The following MDFIC variants were observed in gnomAD, a reference collection of about 807,000 sequenced individuals.
MDFIC encodes myoD family inhibitor domain-containing protein.
A neutral mutation model predicts 23.2 loss-of-function variants in MDFIC; 17 were observed. The ratio of observed to expected loss-of-function variants is 0.73; its 90% confidence interval spans 0.50 to 1.10. MDFIC has a LOEUF of 1.10. Among genes scored for constraint, MDFIC ranks in the 50% least tolerant of loss-of-function variants. The pLI, the probability that MDFIC is intolerant of heterozygous loss-of-function variation, is 0.00. For missense variants in MDFIC, 356 were observed against 316.6 expected (o/e 1.12, Z -0.95); for synonymous variants, 120 against 115.2 (o/e 1.04, Z -0.27).
At chr7:114,993,392 G>A (rs1220721224) in intron 4 of MDFIC, among the ~76,000 whole-genome samples, 8 of 151,866 alleles carry the variant, frequency 5.3e-5, no homozygotes, top group Non-Finnish European at 1.0e-4. Flanking sequence ...GCCTTCTGCT[G>A]GCTTTTAAAT....
chr7:114,929,929 A>T (rs1792278184), intron 2 of MDFIC, among the ~76,000 whole-genome samples: 2 of 152,134 alleles, frequency 1.3e-5, no homozygotes, highest in Admixed American at 6.5e-5. Flanking sequence ...CCTCTTTGAG[A>T]TGGAGGTGGG....
intron 3 of MDFIC, among the ~76,000 whole-genome samples, chr7:114,975,545 T>C (rs770794326): frequency 2.8e-4 from 36 of 129,690 alleles, no homozygotes; most frequent in Non-Finnish European, 9.8e-5. Context: ...CATTGTGTCG[T>C]TTCCATATTA....
chr7:114,930,481 T>A (rs1393403840), intron 2 of MDFIC, among the ~76,000 whole-genome samples: 1 of 152,200 alleles, frequency 6.6e-6, no homozygotes, highest in Non-Finnish European at 1.5e-5. Flanking sequence ...GTTTGGTCAG[T>A]TCACATATGA....
At chr7:114,995,532 G>A (rs1416328365) in intron 4 of MDFIC, among the ~76,000 whole-genome samples, 3 of 152,156 alleles carry the variant, frequency 2.0e-5, no homozygotes, top group Non-Finnish European at 4.4e-5. Context: ...TGGTGTGGAT[G>A]TCCTTTCTTT....
chr7:114,985,625 C>T (rs1019125408), intron 4 of MDFIC, among the ~76,000 whole-genome samples: 1 of 151,702 alleles, frequency 6.6e-6, no homozygotes, highest in Admixed American at 6.6e-5. Flanking sequence ...TTTTCTGATC[C>T]TCTCCCATCT....
intron 2 of MDFIC, among the ~76,000 whole-genome samples, chr7:114,929,236 A>C (rs1322918845): frequency 2.0e-5 from 3 of 152,222 alleles, no homozygotes; most frequent in Non-Finnish European, 4.4e-5. Flanking sequence ...CCTCCTGGGT[A>C]GCTGGGACTA....
rs1791824042 is a variant in MDFIC, at chr7:115,017,937, T to C, written c.*2002T>C. 1 of 152,050 alleles carries C rather than the reference T, an allele frequency of 6.6e-6. No individual in the cohort carries two copies. Among genetic ancestry groups the C allele is most frequent in the African/African-American group, 2.4e-5 (1 of 41,458 alleles). 9.4% of individuals were successfully genotyped at this position (152,050 alleles called of 1,614,324 possible). A position where few individuals can be genotyped will look rare whatever the true frequency, so the allele number is the denominator to read the frequency against. ...CATGAGAATATATCACCTGTGGTTT[T>C]TCCTTTGAGATGAAACGTAGTTTCT... On this transcript the variant is annotated 3_prime_UTR_variant, in exon 5 of 5. Transcript: ENST00000393486.
rs1791800408 is a variant in MDFIC at position 115,016,661 on chromosome 7, T to G, written c.*726T>G. ...CTCCATCTCTAAATAAATAAATAAA[T>G]AAATAAATAAATAAATAAATAAATA... On this transcript the variant is annotated 3_prime_UTR_variant, in exon 5 of 5. Coordinates refer to ENST00000393486, the MANE Select transcript of MDFIC (RefSeq NM_001166345.3). 6.4e-6 allele frequency: 1 copy of G among 155,352 alleles called. No individual in the cohort carries two copies. The highest frequency in any genetic ancestry group is 2.5e-5 in the African/African-American group (1 of 40,574). 9.6% of individuals were successfully genotyped at this position (155,352 alleles called of 1,614,324 possible).
At chr7:114,973,804 G>T (rs1423580130) in intron 3 of MDFIC, among the ~76,000 whole-genome samples, 3 of 152,128 alleles carry the variant, frequency 2.0e-5, no homozygotes, top group Non-Finnish European at 4.4e-5. Flanking sequence ...TAAAACAATT[G>T]CCTCCTTTGC....
chr7:114,995,888 C>G (rs1291172878), intron 4 of MDFIC, among the ~76,000 whole-genome samples: 3 of 152,158 alleles, frequency 2.0e-5, no homozygotes, highest in Non-Finnish European at 4.4e-5. Flanking sequence ...ATGCAGAAAT[C>G]ACCTGTCTTC....
intron 4 of MDFIC, chr7:115,014,681 A>C (rs1791758071): frequency 4.4e-6 from 2 of 450,426 alleles, no homozygotes; most frequent in Admixed American, 4.9e-5. Context: ...ATTCACAACT[A>C]TTTCTGATAT....
intron 3 of MDFIC, among the ~76,000 whole-genome samples, chr7:114,957,230 T>C (rs10953770): frequency 6.6e-6 from 1 of 152,076 alleles, no homozygotes; most frequent in South Asian, 2.1e-4. Flanking sequence ...TTATGTTATA[T>C]TTGAGTAAAG....
intron 4 of MDFIC, among the ~76,000 whole-genome samples, chr7:115,000,219 A>T (rs1417323828): frequency 1.3e-5 from 2 of 152,226 alleles, no homozygotes; most frequent in East Asian, 3.8e-4. Context: ...GCAGGTACCT[A>T]CAGTACTCAG....
At chr7:114,942,564 C>T (rs1227216645) in intron 3 of MDFIC, among the ~76,000 whole-genome samples, 167 bp downstream of exon 3, 3 of 152,182 alleles carry the variant, frequency 2.0e-5, no homozygotes, top group Admixed American at 1.3e-4. Context: ...CTAGGATATA[C>T]ATAATGCTGT....
At chr7:114,954,843 C>A (rs1027764075) in intron 3 of MDFIC, among the ~76,000 whole-genome samples, 1 of 152,062 alleles carries the variant, frequency 6.6e-6, no homozygotes, top group African/African-American at 2.4e-5. Flanking sequence ...TCTTCTCAGT[C>A]CTTATTCTAT....
chr7:115,011,162 T>C (rs566416649), intron 4 of MDFIC, among the ~76,000 whole-genome samples: 12 of 152,308 alleles, frequency 7.9e-5, no homozygotes, highest in African/African-American at 2.6e-4. Context: ...GCCTGGGTCC[T>C]GATCCTGTTT....
chr7:114,972,717 C>T (rs1359670938), intron 3 of MDFIC, among the ~76,000 whole-genome samples: 1 of 152,198 alleles, frequency 6.6e-6, no homozygotes, highest in East Asian at 1.9e-4. Flanking sequence ...TAACCTTGCC[C>T]TCCTGGGCTC....
In MDFIC at chr7:114,997,431, C is replaced by T. The variant is rs993787371; in HGVS notation, c.493+17650C>T. Among the ~76,000 whole-genome samples the T allele has an allele frequency of 7.9e-5, 12 of 151,134 alleles. No homozygotes were observed. The South Asian group carries it at 1.9e-3, about 24-fold the overall frequency. On this transcript the variant is annotated intron_variant, in intron 4 of 4. Transcript: ENST00000393486. ...GCATGTGTGTGTGTGTGTGTGCGCGCGTGTGTTTTATCTCTCTCAGATTTT... is the reference window on the plus strand; with the variant it reads ...GCATGTGTGTGTGTGTGTGTGCGCGTGTGTGTTTTATCTCTCTCAGATTTT...
chr7:115,011,489 A>G (rs1293427632), intron 4 of MDFIC, among the ~76,000 whole-genome samples: 1 of 152,218 alleles, frequency 6.6e-6, no homozygotes, highest in Non-Finnish European at 1.5e-5. Context: ...ACTTACACCA[A>G]TTAGTTATAG....
Sources: allele counts gnomAD v4.1 joint callset (sites outside exome capture counted in the v4.1 genomes callset), GRCh38; gene constraint gnomAD v4.1.1; transcripts MANE v1.5; gene names NCBI Gene and HGNC (gene_info 2026-07-23, HGNC 2026-07-21).